Variants in SLC26A5 observed in about 807,000 individuals in gnomAD.
The protein encoded by SLC26A5 is solute carrier family 26 member 5, also known as prestin.
Under a neutral mutation model 81.0 loss-of-function variants are expected in SLC26A5, and 51 were observed. That is an observed-to-expected ratio of 0.63 (90% CI 0.50 to 0.80). SLC26A5 has a LOEUF of 0.80. SLC26A5 is among the 30% of genes least tolerant of loss of function. The pLI is 0.00. For synonymous variants in SLC26A5, 325 were observed against 332.8 expected, an observed-to-expected ratio of 0.98 and a Z score of 0.25; for missense variants, 771 against 905.8, an observed-to-expected ratio of 0.85 and a Z score of 1.91.
intron 19 of SLC26A5, chr7:103,362,737 C>T: frequency 6.2e-7 from 1 of 1,603,386 alleles, no homozygotes; most frequent in Non-Finnish European, 8.5e-7. Context: ...CTAAGATTGA[C>T]CCAACAGTTA....
chr7:103,398,021 A>T lies in SLC26A5; in HGVS notation c.889-7T>A. 6.2e-7 allele frequency: 1 copy of T among 1,612,428 alleles called. No homozygotes were observed. Among genetic ancestry groups the T allele is most frequent in the Non-Finnish European group, 8.5e-7 (1 of 1,178,528 alleles). ...TGCCAGTTCCCATTACGACCTAAAAAGACACAAATCCAAATGCACCTTTAG... is the reference window on the plus strand; with the variant it reads ...TGCCAGTTCCCATTACGACCTAAAATGACACAAATCCAAATGCACCTTTAG... On this transcript the variant is annotated splice_region_variant and splice_polypyrimidine_tract_variant and intron_variant, in intron 8 of 19. Transcript: ENST00000306312.
intron 2 of SLC26A5, among the ~76,000 whole-genome samples, chr7:103,429,618 TA>T (rs1220931975): frequency 6.6e-6 from 1 of 152,256 alleles, no homozygotes; most frequent in Non-Finnish European, 1.5e-5. Context: ...AACCAGAATA[TA>T]TTATCTATCT....
chr7:103,380,683 G>T, intron 14 of SLC26A5, 134 bp from the exon 15 acceptor site: 1 of 762,090 alleles, frequency 1.3e-6, no homozygotes, highest in South Asian at 1.5e-5. Flanking sequence ...TGGTGCCTTT[G>T]CAGAAGGGCT....
chr7:103,408,091 C>T, intron 7 of SLC26A5, 88 bp from the exon 8 acceptor site: 1 of 1,540,666 alleles, frequency 6.5e-7, no homozygotes, highest in Non-Finnish European at 8.9e-7. Flanking sequence ...TCACACCAGC[C>T]ATTCCGTTAT....
At chr7:103,423,170 G>T (rs921470759) in intron 2 of SLC26A5, among the ~76,000 whole-genome samples, 1 of 151,836 alleles carries the variant, frequency 6.6e-6, no homozygotes, top group African/African-American at 2.4e-5. Flanking sequence ...TACTTGGGAG[G>T]CTGAGACAGG....
intron 2 of SLC26A5, chr7:103,435,210 G>A (rs541032045): frequency 5.9e-5 from 9 of 151,974 alleles, no homozygotes; most frequent in African/African-American, 2.2e-4. Context: ...CTTTTGTTGT[G>A]TGGAAACAAC....
intron 8 of SLC26A5, among the ~76,000 whole-genome samples, chr7:103,407,459 G>A (rs925819841): frequency 2.0e-5 from 3 of 152,164 alleles, no homozygotes; most frequent in Admixed American, 6.5e-5. Flanking sequence ...TGGCTCAGGA[G>A]TGTCAAGGGA....
Position 103,407,995 on chromosome 7 carries a change from A to G in SLC26A5, c.744T>C (p.Val248=). The change falls in exon 8 of 20, where the codon GTT becomes GTC. Residue 248 remains valine, a synonymous_variant. Coordinates refer to ENST00000306312, the MANE Select transcript of SLC26A5 (RefSeq NM_198999.3). ...SGIFSVVYST[V]AVLQNVKNLN... ...GGTTTTTAACATTCTGCAACACAGCAACTGTACTCTGTAACACAGTGAATG... is the reference window on the plus strand; with the variant it reads ...GGTTTTTAACATTCTGCAACACAGCGACTGTACTCTGTAACACAGTGAATG... The G allele has an allele frequency of 6.2e-7, 1 of 1,614,146 alleles. No homozygotes were observed. Among genetic ancestry groups the G allele is most frequent in the Non-Finnish European group, 8.5e-7 (1 of 1,180,016 alleles).
intron 2 of SLC26A5, among the ~76,000 whole-genome samples, chr7:103,422,755 A>G (rs932057728): frequency 1.3e-5 from 2 of 152,194 alleles, no homozygotes; most frequent in African/African-American, 4.8e-5. Context: ...GTACATTTGA[A>G]CTATATACCT....
intron 2 of SLC26A5, among the ~76,000 whole-genome samples, chr7:103,438,592 A>C (rs1826639424): frequency 6.6e-6 from 1 of 152,078 alleles, no homozygotes; most frequent in Non-Finnish European, 1.5e-5. Flanking sequence ...ACTTCAAGCG[A>C]TCCACCCACC....
At chr7:103,426,187 T>C (rs979296081) in intron 2 of SLC26A5, among the ~76,000 whole-genome samples, 5 of 152,048 alleles carry the variant, frequency 3.3e-5, no homozygotes, top group Non-Finnish European at 1.5e-5. Flanking sequence ...CAAAAGAGAG[T>C]TGTGCGGAGG....
At chr7:103,430,623 T>C (rs1490655053) in intron 2 of SLC26A5, among the ~76,000 whole-genome samples, 1 of 85,902 alleles carries the variant, frequency 1.2e-5, no homozygotes, top group African/African-American at 9.8e-5. Context: ...ATACTGGATT[T>C]GAAGTGGCTC....
chr7:103,386,093 A>G (rs1171894876), intron 14 of SLC26A5, among the ~76,000 whole-genome samples: 6 of 150,156 alleles, frequency 4.0e-5, no homozygotes, highest in Non-Finnish European at 8.9e-5. Flanking sequence ...ACACCCAGCT[A>G]TTTTTTTTTG....
intron 2 of SLC26A5, among the ~76,000 whole-genome samples, chr7:103,431,508 T>C (rs1376372676): frequency 6.6e-6 from 1 of 152,122 alleles, no homozygotes; most frequent in Non-Finnish European, 1.5e-5. Flanking sequence ...TTTTTCTTCA[T>C]AGAGAAAGGG....
intron 2 of SLC26A5, among the ~76,000 whole-genome samples, chr7:103,424,588 A>G (rs1473737926): frequency 6.6e-6 from 1 of 152,084 alleles, no homozygotes; most frequent in Admixed American, 6.6e-5. Context: ...CAGAAAGGTA[A>G]TTTCTTCCTA....
chr7:103,379,438 A>T, intron 15 of SLC26A5, 103 bp from the exon 16 acceptor site: 1 of 746,582 alleles, frequency 1.3e-6, no homozygotes, highest in Admixed American at 2.1e-5. Context: ...GAAGTTGCTA[A>T]GGTCCCCTTT....
intron 4 of SLC26A5, among the ~76,000 whole-genome samples, chr7:103,418,146 A>T (rs1368276730): frequency 6.6e-6 from 1 of 152,084 alleles, no homozygotes; most frequent in Non-Finnish European, 1.5e-5. Context: ...ATCCCCACAC[A>T]TCCAACCCAT....
chr7:103,358,565 TG>T (rs1025584096), intron 19 of SLC26A5, among the ~76,000 whole-genome samples: 2 of 152,098 alleles, frequency 1.3e-5, no homozygotes, highest in Non-Finnish European at 2.9e-5. Flanking sequence ...TTTCTGTTGA[TG>T]TTTTTTTCCT....
In SLC26A5 at chr7:103,413,436, C is replaced by T. The variant is rs140248380; in HGVS notation, c.293-324G>A. Among the ~76,000 whole-genome samples, 188 of 152,204 alleles carry T rather than the reference C, an allele frequency of 1.2e-3. 1 individual carries two copies. Among genetic ancestry groups the T allele is most frequent in the African/African-American group, 4.4e-3 (181 of 41,532 alleles). ...TGGTGTTGACTCACAAATGCGAGCT[C>T]GTTCTCCAATGGGGTGTTTTTGTGG... On this transcript the variant is annotated intron_variant, in intron 4 of 19. Coordinates refer to ENST00000306312, the MANE Select transcript of SLC26A5 (RefSeq NM_198999.3).
Sources: allele counts gnomAD v4.1 joint callset (sites outside exome capture counted in the v4.1 genomes callset), GRCh38; gene constraint gnomAD v4.1.1; transcripts MANE v1.5; gene names NCBI Gene and HGNC (gene_info 2026-07-23, HGNC 2026-07-21).